The following SERBP1 variants were observed in gnomAD, a reference collection of about 807,000 sequenced individuals.
The protein encoded by SERBP1 is SERPINE1 mRNA-binding protein 1.
Under a neutral mutation model 50.2 loss-of-function variants are expected in SERBP1, and 6 were observed. The ratio of observed to expected loss-of-function variants is 0.12; its 90% CI spans 0.07 to 0.24. The LOEUF is 0.24. SERBP1 is among the 10% of genes least tolerant of loss of function. The pLI, the probability that SERBP1 is intolerant of heterozygous loss-of-function variation, is 1.00. For missense variants in SERBP1, 346 were observed against 524.9 expected (o/e 0.66, Z 3.33); for synonymous variants, 168 against 182.8 (o/e 0.92, Z 0.65).
chr1:67,414,919 A>G lies in SERBP1; in HGVS notation c.1125+247T>C, dbSNP rs534999974. Among the ~76,000 whole-genome samples the G allele has an allele frequency of 7.2e-5, 11 of 152,298 alleles. No homozygotes were observed. In the South Asian group the frequency reaches 2.1e-3, roughly 29 times the overall value. On this transcript the variant is annotated intron_variant, in intron 7 of 7. Transcript: ENST00000361219. ...AATTAAATGACATTAAGTACATAAAATGCCTAGCCCAGCACCATGACCGGC... is the reference window on the plus strand; with the variant it reads ...AATTAAATGACATTAAGTACATAAAGTGCCTAGCCCAGCACCATGACCGGC...
intron 4 of SERBP1, 82 bp downstream of exon 4, chr1:67,424,803 TATC>T: frequency 2.0e-6 from 2 of 1,005,542 alleles, no homozygotes; most frequent in African/African-American, 3.2e-5. Context: ...CATTCATTCT[TATC>T]TCAGAGACAA....
In SERBP1 at chr1:67,412,381, C is replaced by T. The variant is rs1049177542; in HGVS notation, c.*826G>A. Reference sequence around the variant, plus strand: ...ACCTATAAAACTACTTCACTTGACACGATGTGCCTACCAACAATAAGTAGT... The same window carrying T: ...ACCTATAAAACTACTTCACTTGACATGATGTGCCTACCAACAATAAGTAGT... On this transcript the variant is annotated 3_prime_UTR_variant, in exon 8 of 8. Transcript: ENST00000361219. 1.3e-5 allele frequency: 2 copies of T among 152,420 alleles called. No homozygotes were observed. The highest frequency in any genetic ancestry group is 2.4e-5 in the African/African-American group (1 of 41,442). 9.4% of individuals were successfully genotyped at this position (152,420 alleles called of 1,614,324 possible). A position where few individuals can be genotyped will look rare whatever the true frequency, so the allele number is the denominator to read the frequency against.
At chr1:67,422,960 CAAACAAAACAAAACAAAACAAAACA>C (rs57255283) in intron 5 of SERBP1, among the ~76,000 whole-genome samples, 4 of 147,450 alleles carry the variant, frequency 2.7e-5, no homozygotes, top group South Asian at 2.2e-4. Flanking sequence ...AGAATGTCTC[CAAACAAAACAAAACAAAACAAAACA>C]AAACAAAACA....
chr1:67,417,373 A>G (rs758398535), intron 6 of SERBP1: 3 of 152,226 alleles, frequency 2.0e-5, no homozygotes, highest in Non-Finnish European at 4.4e-5. Context: ...TGTTTAGGCT[A>G]TATGCAGATA....
At position 67,424,529 on chromosome 1, in the gene SERBP1, T is replaced by C. The variant is rs1379910857; in HGVS notation, c.696-252A>G. 3 of 506,580 alleles carry C rather than the reference T, an allele frequency of 5.9e-6. No individual in the cohort carries two copies. In the African/African-American group the frequency reaches 5.9e-5, roughly 10 times the overall value. The allele number at this position is 506,580 out of a possible 1,614,324, so 31.4% of individuals were successfully genotyped here. A position where few individuals can be genotyped will look rare whatever the true frequency, so the allele number is the denominator to read the frequency against. The stretch of plus-strand genomic sequence containing the variant: ...AGTAACAGAACAAGGCAGTTAATTA[T>C]AAAATGAAGCTTTACTAGCTTATCA... On this transcript the variant is annotated intron_variant, in intron 4 of 7. Transcript: ENST00000361219.
chr1:67,412,099 G>A lies in SERBP1; in HGVS notation c.*1108C>T, dbSNP rs1292255392. ...TGTTCCAACCTTACAAAGTAAAGCTGTCTGCTTCCCAAATTCCAAAAATTA... is the reference window on the plus strand; with the variant it reads ...TGTTCCAACCTTACAAAGTAAAGCTATCTGCTTCCCAAATTCCAAAAATTA... On this transcript the variant is annotated 3_prime_UTR_variant, in exon 8 of 8. Transcript: ENST00000361219. 6.6e-6 allele frequency: 1 copy of A among 152,636 alleles called. No homozygotes were observed. Among genetic ancestry groups the A allele is most frequent in the Non-Finnish European group, 1.5e-5 (1 of 68,034 alleles). 9.5% of individuals were successfully genotyped at this position (152,636 alleles called of 1,614,324 possible).
intron 6 of SERBP1, 99 bp from the exon 7 acceptor site, chr1:67,415,438 A>G (rs779865512): frequency 2.9e-5 from 35 of 1,219,952 alleles, no homozygotes; most frequent in Non-Finnish European, 3.7e-5. Flanking sequence ...CAAAAATCCA[A>G]ACTGTACTTT....
intron 7 of SERBP1, 124 bp downstream of exon 7, chr1:67,415,042 C>A: frequency 9.7e-7 from 1 of 1,030,230 alleles, no homozygotes; most frequent in Non-Finnish European, 1.4e-6. Context: ...ACCTAACATG[C>A]GGTTTCTTAA....
In SERBP1 at chr1:67,430,323, C is replaced by A; in HGVS notation, c.-23G>T. ...CATGATGGTGGCTCGGCGGCGCGTT[C>A]CTCCACGGATTGCAGCGGGCCGCGC... On this transcript the variant is annotated 5_prime_UTR_variant, in exon 1 of 8. Coordinates refer to ENST00000361219, the MANE Select transcript of SERBP1 (RefSeq NM_001018069.2). 2 of 1,493,616 alleles carry A rather than the reference C, an allele frequency of 1.3e-6. No homozygotes were observed. The highest frequency in any genetic ancestry group is 2.4e-5 in the East Asian group (1 of 41,064). The allele number at this position is 1,493,616 out of a possible 1,614,324, so 92.5% of individuals were successfully genotyped here.
At chr1:67,425,829 C>T (rs1667353260) in intron 2 of SERBP1, among the ~76,000 whole-genome samples, 1 of 152,172 alleles carries the variant, frequency 6.6e-6, no homozygotes, top group African/African-American at 2.4e-5. Flanking sequence ...AAATGTGACT[C>T]TATAAAGTAA....
intron 6 of SERBP1, among the ~76,000 whole-genome samples, chr1:67,417,981 T>G (rs896192235): frequency 2.9e-5 from 4 of 139,596 alleles, no homozygotes; most frequent in Non-Finnish European, 6.3e-5. Flanking sequence ...GTTTTTTTTT[T>G]TTTTTTTTTT....
In SERBP1 at chr1:67,411,796, A is replaced by C. The variant is rs1390865767; in HGVS notation, c.*1411T>G. On this transcript the variant is annotated 3_prime_UTR_variant, in exon 8 of 8. Coordinates refer to ENST00000361219, the MANE Select transcript of SERBP1 (RefSeq NM_001018069.2). The stretch of plus-strand genomic sequence containing the variant: ...AAAAATGACGTGACAAACAATTCTT[A>C]AAAATTTTTTAAAAATTCCTTCACT... The C allele has an allele frequency of 6.6e-6, 1 of 152,234 alleles. No individual in the cohort carries two copies. Among genetic ancestry groups the C allele is most frequent in the Admixed American group, 6.5e-5 (1 of 15,290 alleles). The allele number at this position is 152,234 out of a possible 1,614,324, so 9.4% of individuals were successfully genotyped here.
chr1:67,424,105 A>C, intron 5 of SERBP1, 95 bp downstream of exon 5: 2 of 1,292,310 alleles, frequency 1.5e-6, no homozygotes, highest in South Asian at 3.6e-5. Context: ...ACAAAAAGCC[A>C]TCAAGTAACA....
chr1:67,416,991 G>A (rs553169230), intron 6 of SERBP1, among the ~76,000 whole-genome samples: 8 of 152,298 alleles, frequency 5.3e-5, no homozygotes, highest in African/African-American at 1.9e-4. Flanking sequence ...GCCAGGTGTG[G>A]TGGCTGACAC....
intron 5 of SERBP1, chr1:67,420,471 A>T: frequency 3.7e-6 from 1 of 267,566 alleles, no homozygotes; most frequent in Non-Finnish European, 6.9e-6. Flanking sequence ...TACGAATACT[A>T]AAATACACAT....
intron 6 of SERBP1, among the ~76,000 whole-genome samples, chr1:67,416,731 A>G (rs556962810): frequency 3.1e-4 from 47 of 152,326 alleles, no homozygotes; most frequent in Admixed American, 5.2e-4. Flanking sequence ...CTAGTATTAA[A>G]TGTCACTCCT....
intron 6 of SERBP1, among the ~76,000 whole-genome samples, chr1:67,419,105 C>T (rs1259548555): frequency 1.3e-5 from 2 of 152,240 alleles, no homozygotes; most frequent in African/African-American, 2.4e-5. Context: ...CCTTGAACAA[C>T]GTGGCTTTGA....
chr1:67,415,901 C>A (rs1459908738), intron 6 of SERBP1, among the ~76,000 whole-genome samples: 1 of 151,832 alleles, frequency 6.6e-6, no homozygotes, highest in Non-Finnish European at 1.5e-5. Context: ...TTTTTCTACA[C>A]AAATTGGAGA....
rs552645391 is a variant in SERBP1 at position 67,410,531 on chromosome 1, T to A, written c.*2676A>T. 317 of 152,164 alleles carry A rather than the reference T, an allele frequency of 2.1e-3. 1 individual carries two copies. Among genetic ancestry groups the A allele is most frequent in the African/African-American group, 7.5e-3 (312 of 41,510 alleles). 9.4% of individuals were successfully genotyped at this position (152,164 alleles called of 1,614,324 possible). ...TAAAAGTCTTGCTTAACTCCACAGG[T>A]CTCAAAATAGCTAATAAAGAAACCA... On this transcript the variant is annotated 3_prime_UTR_variant, in exon 8 of 8. Coordinates refer to ENST00000361219, the MANE Select transcript of SERBP1 (RefSeq NM_001018069.2).
Sources: allele counts gnomAD v4.1 joint callset (sites outside exome capture counted in the v4.1 genomes callset), GRCh38; gene constraint gnomAD v4.1.1; transcripts MANE v1.5; gene names NCBI Gene and HGNC (gene_info 2026-07-23, HGNC 2026-07-21).